The following GRIK3 variants were observed in gnomAD, a reference collection of about 807,000 sequenced individuals.
The protein encoded by GRIK3 is glutamate receptor ionotropic, kainate 3.
In GRIK3, 29 loss-of-function variants were observed where a neutral mutation model predicts 102.5. The observed-to-expected ratio is 0.28, with a 90% CI of 0.21 to 0.39. The LOEUF (loss-of-function observed/expected upper bound fraction) is 0.39, where lower values mean the gene tolerates loss of function less well. GRIK3 is among the 10% of genes least tolerant of loss of function. The pLI is 1.00. For synonymous variants in GRIK3, 511 were observed against 504.9 expected (o/e 1.01, Z -0.16); for missense variants, 908 against 1,252.4 (o/e 0.73, Z 4.15).
intron 1 of GRIK3, among the ~76,000 whole-genome samples, chr1:36,940,649 A>G (rs1243797671): frequency 6.6e-6 from 1 of 152,196 alleles, no homozygotes; most frequent in African/African-American, 2.4e-5. Flanking sequence ...ACTGCCCAGC[A>G]TCTGAGGGGC....
At chr1:36,953,657 A>G (rs544286322) in intron 1 of GRIK3, among the ~76,000 whole-genome samples, 1 of 152,082 alleles carries the variant, frequency 6.6e-6, no homozygotes, top group Admixed American at 6.5e-5. Context: ...AGGAAAGGTG[A>G]CTAGGAAGGA....
intron 1 of GRIK3, among the ~76,000 whole-genome samples, chr1:36,955,538 C>T (rs769420263): frequency 7.9e-5 from 12 of 152,176 alleles, no homozygotes; most frequent in Non-Finnish European, 1.3e-4. Flanking sequence ...CCCCCGCCCC[C>T]GGAGAACACG....
At chr1:36,907,136 C>T (rs1641292412) in intron 1 of GRIK3, among the ~76,000 whole-genome samples, 1 of 152,052 alleles carries the variant, frequency 6.6e-6, no homozygotes, top group Non-Finnish European at 1.5e-5. Context: ...TGGGGGTGGG[C>T]AGCGTTTATT....
intron 1 of GRIK3, among the ~76,000 whole-genome samples, chr1:36,987,451 A>T (rs957072605): frequency 2.6e-5 from 4 of 152,252 alleles, no homozygotes; most frequent in Middle Eastern, 3.4e-3. Context: ...CAAGAAGGGG[A>T]GTGTTGCTGA....
intron 10 of GRIK3, among the ~76,000 whole-genome samples, chr1:36,830,468 T>C (rs1640256335): frequency 6.6e-6 from 1 of 152,048 alleles, no homozygotes; most frequent in African/African-American, 2.4e-5. Context: ...GAAGTTATAC[T>C]GAATGAGGGT....
intron 1 of GRIK3, among the ~76,000 whole-genome samples, chr1:37,019,863 T>C (rs1336568273): frequency 6.6e-6 from 1 of 152,332 alleles, no homozygotes; most frequent in African/African-American, 2.4e-5. Flanking sequence ...CCAGAGCCCC[T>C]GAAGTAGCCC....
chr1:36,824,263 AAGGTGGGAGCTG>A (rs1377911279), intron 11 of GRIK3, among the ~76,000 whole-genome samples: 6 of 152,302 alleles, frequency 3.9e-5, no homozygotes, highest in Non-Finnish European at 7.4e-5. Context: ...AAAGCCCGAG[AAGGTGGGAGCTG>A]AGAGACCCCT....
chr1:36,886,540 ATGTGCCAAGG>A (rs1482661071), intron 2 of GRIK3, among the ~76,000 whole-genome samples: 2 of 152,198 alleles, frequency 1.3e-5, no homozygotes, highest in Non-Finnish European at 2.9e-5. Flanking sequence ...AACAGCAGGA[ATGTGCCAAGG>A]TGTGACAGTG....
At chr1:36,944,050 C>T (rs1472812998) in intron 1 of GRIK3, among the ~76,000 whole-genome samples, 1 of 152,206 alleles carries the variant, frequency 6.6e-6, no homozygotes, top group East Asian at 1.9e-4. Context: ...CAGGACATGG[C>T]ATCTCACACA....
chr1:36,967,492 A>G (rs1004095484), intron 1 of GRIK3, among the ~76,000 whole-genome samples: 5 of 152,216 alleles, frequency 3.3e-5, no homozygotes, highest in South Asian at 4.1e-4. Context: ...CTGTGTCTCT[A>G]TGGAAACACT....
In GRIK3 at chr1:36,872,376, G is replaced by A. The variant is rs369082447; in HGVS notation, c.551-7C>T. 4 of 1,575,848 alleles carry A rather than the reference G, an allele frequency of 2.5e-6. No individual in the cohort carries two copies. The African/African-American group carries it at 5.4e-5, about 21-fold the overall frequency. On this transcript the variant is annotated splice_region_variant and splice_polypyrimidine_tract_variant and intron_variant, in intron 3 of 15. Transcript: ENST00000373091. The surrounding 1 kb of genome is among the most constrained non-coding windows in gnomAD (Gnocchi z 5.9). ...TCCTGCAGTCGGATGAGCCCTGAGG[G>A]GCCATGGAGCACAAAAGACACACGT...
chr1:36,911,117 G>GGGGA (rs1466693691), intron 1 of GRIK3, among the ~76,000 whole-genome samples: 1 of 152,142 alleles, frequency 6.6e-6, no homozygotes, highest in Non-Finnish European at 1.5e-5. Flanking sequence ...CAGACCCACT[G>GGGGA]GGGAGAGAGG....
chr1:36,913,773 T>A (rs1641371329), intron 1 of GRIK3, among the ~76,000 whole-genome samples: 1 of 152,072 alleles, frequency 6.6e-6, no homozygotes, highest in Non-Finnish European at 1.5e-5. Flanking sequence ...CCCAGAGGCA[T>A]GACTCTAAGA....
rs1642378340 is a variant in GRIK3, at chr1:36,797,332, A to C, written c.*4519T>G. 1 of 151,504 alleles carries C rather than the reference A, an allele frequency of 6.6e-6. No homozygotes were observed. Among genetic ancestry groups the C allele is most frequent in the Non-Finnish European group, 1.5e-5 (1 of 67,948 alleles). The allele number at this position is 151,504 out of a possible 1,614,324, so 9.4% of individuals were successfully genotyped here. On this transcript the variant is annotated 3_prime_UTR_variant, in exon 16 of 16. Coordinates refer to ENST00000373091, the MANE Select transcript of GRIK3 (RefSeq NM_000831.4). ...ATATATATATTTTACATTCATATAT[A>C]TATTGTACAGAACATTAACCTTCTA... is the stretch of plus-strand genomic sequence containing the variant.
At chr1:36,864,963 A>T (rs1640766940) in intron 5 of GRIK3, among the ~76,000 whole-genome samples, 1 of 152,024 alleles carries the variant, frequency 6.6e-6, no homozygotes, top group Non-Finnish European at 1.5e-5. Flanking sequence ...ATGTTGACAC[A>T]CTGAATTCAG....
chr1:36,819,799 C>T lies in GRIK3; in HGVS notation c.1810G>A (p.Val604Met). The change falls in exon 12 of 16, where the codon GTG becomes ATG. Residue 604 changes from valine (V) to methionine (M), a missense_variant. Val to Met is a conservative substitution (Grantham distance 21). This residue lies in a region of GRIK3 where 585 missense variants were observed against 824.9 expected (regional missense o/e 0.71). Coordinates refer to ENST00000373091, the MANE Select transcript of GRIK3 (RefSeq NM_000831.4). This position sits in a 1 kb window ranked among gnomAD's most constrained non-coding sequence, Gnocchi z 4.1. ...AHPCNPGSEV[V>M]ENNFTLLNSF... Reference sequence around the variant, plus strand: ...TTAAGCAGAGTGAAGTTATTTTCCACCACCTCGGAGCCAGGGTTGCAGGGG... The same window carrying T: ...TTAAGCAGAGTGAAGTTATTTTCCATCACCTCGGAGCCAGGGTTGCAGGGG... 3 of 1,607,262 alleles carry T rather than the reference C, an allele frequency of 1.9e-6. No individual in the cohort carries two copies. The highest frequency in any genetic ancestry group is 2.6e-6 in the Non-Finnish European group (3 of 1,175,860).
intron 1 of GRIK3, among the ~76,000 whole-genome samples, chr1:36,945,355 G>T (rs1641771442): frequency 6.6e-6 from 1 of 152,216 alleles, no homozygotes; most frequent in South Asian, 2.1e-4. Flanking sequence ...GCTAGAGGGG[G>T]CCTGAGCCAG....
rs1642193024 is a variant in GRIK3 at position 36,976,034 on chromosome 1, G to A, written c.115+57960C>T. Among the ~76,000 whole-genome samples the A allele has an allele frequency of 2.6e-5, 4 of 152,334 alleles. No homozygotes were observed. In the South Asian group the frequency reaches 8.3e-4, roughly 32 times the overall value. On this transcript the variant is annotated intron_variant, in intron 1 of 15. Coordinates refer to ENST00000373091, the MANE Select transcript of GRIK3 (RefSeq NM_000831.4). ...GCAAAGAAGCAAAAGAAGCAGAAGA[G>A]CATCCCAAGGAGCAACCCAAAGTAG... is the stretch of plus-strand genomic sequence containing the variant.
At chr1:36,885,173 G>T (rs1641024521) in intron 2 of GRIK3, among the ~76,000 whole-genome samples, 1 of 152,198 alleles carries the variant, frequency 6.6e-6, no homozygotes, top group African/African-American at 2.4e-5. Context: ...GTTGATGTTG[G>T]TGTTGATGAG....
Sources: allele counts gnomAD v4.1 joint callset (sites outside exome capture counted in the v4.1 genomes callset), GRCh38; gene constraint gnomAD v4.1.1; regional missense constraint gnomAD v4.1.1; non-coding constraint Gnocchi (gnomAD v3.1); transcripts MANE v1.5; gene names NCBI Gene and HGNC (gene_info 2026-07-23, HGNC 2026-07-21).